Variants in ATP8A1 observed in about 807,000 individuals in gnomAD.
The protein encoded by ATP8A1 is ATPase phospholipid transporting 8A1, also known as phospholipid-transporting ATPase IA.
ATP8A1 carries 90 observed loss-of-function variants against 177.7 expected under a neutral mutation model. The ratio of observed to expected loss-of-function variants is 0.51; its 90% CI spans 0.43 to 0.60. ATP8A1 has a LOEUF of 0.60. ATP8A1 is among the 20% of genes least tolerant of loss of function. The pLI, the probability that ATP8A1 is intolerant of heterozygous loss-of-function variation, is 0.00. For synonymous variants in ATP8A1, 493 were observed against 485.9 expected, an observed-to-expected ratio of 1.01 and a Z score of -0.19; for missense variants, 1,072 against 1,392.8, an observed-to-expected ratio of 0.77 and a Z score of 3.67.
At position 42,411,683 on chromosome 4, in the gene ATP8A1, C is replaced by T. The variant is rs946917331; in HGVS notation, c.*1233G>A. ...ACTAACAAAAGCTACTCATGATGAA[C>T]GTGTCCTCTGACTGTAAAGTTACCG... is the stretch of plus-strand genomic sequence containing the variant. On this transcript the variant is annotated 3_prime_UTR_variant, in exon 37 of 37. Transcript: ENST00000381668. 7.9e-5 allele frequency: 12 copies of T among 152,098 alleles called. No individual in the cohort carries two copies. Among genetic ancestry groups the T allele is most frequent in the African/African-American group, 2.7e-4 (11 of 41,398 alleles). 9.4% of individuals were successfully genotyped at this position (152,098 alleles called of 1,614,324 possible). A position where few individuals can be genotyped will look rare whatever the true frequency, so the allele number is the denominator to read the frequency against.
In ATP8A1 at chr4:42,467,787, T is replaced by C. The variant is rs1179651474; in HGVS notation, c.2325-2711A>G. Reference sequence around the variant, plus strand: ...GATGTCAAGCATTTTTTCATATGTTTGTTGGCCATCTGTATATCTTGAGAA... The same window carrying C: ...GATGTCAAGCATTTTTTCATATGTTCGTTGGCCATCTGTATATCTTGAGAA... On this transcript the variant is annotated intron_variant, in intron 25 of 36. Transcript: ENST00000381668. 3.9e-5 allele frequency among the ~76,000 whole-genome samples: 6 copies of C among 152,220 alleles called. No homozygotes were observed. In the East Asian group the frequency reaches 1.2e-3, roughly 29 times the overall value.
At chr4:42,475,665 GAAT>G (rs754573339) in intron 25 of ATP8A1, among the ~76,000 whole-genome samples, 54 of 152,026 alleles carry the variant, frequency 3.6e-4, no homozygotes, top group Non-Finnish European at 5.7e-4. Context: ...ACAAACATTT[GAAT>G]AATAGGTGCC....
chr4:42,432,670 T>G (rs1715441741), intron 33 of ATP8A1, among the ~76,000 whole-genome samples: 1 of 152,290 alleles, frequency 6.6e-6, no homozygotes, highest in East Asian at 1.9e-4. Flanking sequence ...ACCTTGTACT[T>G]TAACCAGAGA....
At chr4:42,625,046 GAAA>G (rs61670057) in intron 3 of ATP8A1, 7 of 127,282 alleles carry the variant, frequency 5.5e-5, no homozygotes, top group Admixed American at 7.8e-5. Flanking sequence ...TGCTTGGGAG[GAAA>G]AAAAAAAAAA....
intron 20 of ATP8A1, among the ~76,000 whole-genome samples, chr4:42,543,312 T>G (rs771491356): frequency 6.6e-6 from 1 of 152,084 alleles, no homozygotes; most frequent in Non-Finnish European, 1.5e-5. Context: ...AAAGAACAGT[T>G]CAGAAGGAAA....
intron 20 of ATP8A1, among the ~76,000 whole-genome samples, chr4:42,529,141 G>C (rs781302627): frequency 1.3e-5 from 2 of 152,184 alleles, no homozygotes; most frequent in Non-Finnish European, 2.9e-5. Context: ...CACAGGTCCA[G>C]GCTGCTGTAC....
intron 18 of ATP8A1, among the ~76,000 whole-genome samples, chr4:42,550,923 C>G (rs1172088377): frequency 6.6e-6 from 1 of 152,010 alleles, no homozygotes; most frequent in African/African-American, 2.4e-5. Flanking sequence ...GAAGGATAAA[C>G]TAAAAGGATG....
At chr4:42,633,914 A>T (rs1490928736) in intron 1 of ATP8A1, among the ~76,000 whole-genome samples, 1 of 152,170 alleles carries the variant, frequency 6.6e-6, no homozygotes, top group East Asian at 1.9e-4. Context: ...CAAAAGGGGG[A>T]ATAGCAGGAA....
chr4:42,635,782 C>CACATATATATATATATATAT (rs1553920597), intron 1 of ATP8A1, among the ~76,000 whole-genome samples: 17 of 51,974 alleles, frequency 3.3e-4, no homozygotes, highest in African/African-American at 4.3e-4. Context: ...CACACACACA[C>CACATATATATATATATATAT]ATATATATAT....
chr4:42,613,719 G>C (rs1056360519), intron 5 of ATP8A1, among the ~76,000 whole-genome samples: 3 of 152,006 alleles, frequency 2.0e-5, no homozygotes, highest in Non-Finnish European at 4.4e-5. Flanking sequence ...GAATAGCTGG[G>C]ATTACAGGCG....
chr4:42,430,376 T>G (rs748102074), intron 33 of ATP8A1, among the ~76,000 whole-genome samples: 4 of 152,106 alleles, frequency 2.6e-5, no homozygotes, highest in Non-Finnish European at 5.9e-5. Flanking sequence ...ACTCCTTGGC[T>G]CAACCCTCCA....
chr4:42,507,006 G>C lies in ATP8A1; in HGVS notation c.2086+10C>G. ...GCACCAACATGTAAAATGTGAACTAGGTGAATTACCGATGTTAATGGCAGT... is the reference window on the plus strand; with the variant it reads ...GCACCAACATGTAAAATGTGAACTACGTGAATTACCGATGTTAATGGCAGT... On this transcript the variant is annotated intron_variant, in intron 23 of 36. Transcript: ENST00000381668. 2 of 1,612,212 alleles carry C rather than the reference G, an allele frequency of 1.2e-6. No homozygotes were observed. Among genetic ancestry groups the C allele is most frequent in the African/African-American group, 1.3e-5 (1 of 74,962 alleles).
At chr4:42,459,755 TTA>T (rs1718891293) in intron 27 of ATP8A1, among the ~76,000 whole-genome samples, 2 of 152,158 alleles carry the variant, frequency 1.3e-5, no homozygotes, top group South Asian at 4.1e-4. Flanking sequence ...CGTATCTTGT[TTA>T]TATTTCCACA....
intron 1 of ATP8A1, among the ~76,000 whole-genome samples, chr4:42,649,338 C>A (rs1740858452): frequency 1.3e-5 from 2 of 152,060 alleles, no homozygotes; most frequent in African/African-American, 4.8e-5. Context: ...GCACAGATAT[C>A]CATAAAATTA....
chr4:42,414,120 C>T (rs1238546405), intron 36 of ATP8A1, among the ~76,000 whole-genome samples: 4 of 152,038 alleles, frequency 2.6e-5, no homozygotes, highest in African/African-American at 9.7e-5. Context: ...AGATATATTA[C>T]TCACACAAAT....
intron 5 of ATP8A1, among the ~76,000 whole-genome samples, chr4:42,607,614 G>T (rs1577691120): frequency 6.8e-6 from 1 of 146,918 alleles, no homozygotes; most frequent in East Asian, 2.0e-4. Context: ...TAACAGAGAT[G>T]CTATTCTGAT....
At chr4:42,614,987 G>A (rs541419493) in intron 5 of ATP8A1, among the ~76,000 whole-genome samples, 2 of 152,214 alleles carry the variant, frequency 1.3e-5, no homozygotes, top group Admixed American at 6.5e-5. Flanking sequence ...ACAAAAATCC[G>A]AAGATAATTG....
chr4:42,651,890 A>C (rs1435154961), intron 1 of ATP8A1, among the ~76,000 whole-genome samples: 1 of 152,218 alleles, frequency 6.6e-6, no homozygotes, highest in Non-Finnish European at 1.5e-5. Context: ...ATTTTGTGTA[A>C]GCTACCATTA....
At chr4:42,510,728 C>T (rs897918861) in intron 22 of ATP8A1, among the ~76,000 whole-genome samples, 1 of 152,044 alleles carries the variant, frequency 6.6e-6, no homozygotes, top group African/African-American at 2.4e-5. Context: ...AAAATGAGCT[C>T]AGAAAGTCCA....
Sources: allele counts gnomAD v4.1 joint callset (sites outside exome capture counted in the v4.1 genomes callset), GRCh38; gene constraint gnomAD v4.1.1; transcripts MANE v1.5; gene names NCBI Gene and HGNC (gene_info 2026-07-23, HGNC 2026-07-21).